MYO18B: variants seen among roughly 807,000 people sequenced by gnomAD.
MYO18B encodes myosin XVIIIB.
Under a neutral mutation model 273.0 loss-of-function variants are expected in MYO18B, and 204 were observed. The ratio of observed to expected loss-of-function variants is 0.75; its 90% CI spans 0.67 to 0.84. The LOEUF (loss-of-function observed/expected upper bound fraction) is 0.84. Among genes scored for constraint, MYO18B ranks in the 40% least tolerant of loss-of-function variants. The pLI, the probability that MYO18B is intolerant of heterozygous loss-of-function variation, is 0.00. For missense variants in MYO18B, 3,212 were observed against 3,287.6 expected (o/e 0.98, Z 0.56); for synonymous variants, 1,330 against 1,305.7 (o/e 1.02, Z -0.40).
chr22:25,992,908 A>G (rs113675743), intron 40 of MYO18B, among the ~76,000 whole-genome samples: 19 of 152,180 alleles, frequency 1.2e-4, no homozygotes, highest in Non-Finnish European at 2.4e-4. Flanking sequence ...TCTACTGCCT[A>G]TTTCTTAGGG....
At chr22:26,043,681 T>G in the MYO18B span, among the ~76,000 whole-genome samples, 2 of 151,896 alleles carry the variant, frequency 1.3e-5, no homozygotes, top group East Asian at 3.9e-4. Context: ...CGGCTAATTT[T>G]TTTTTTGTAT....
At chr22:25,871,177 G>A (rs2091035718) in intron 22 of MYO18B, among the ~76,000 whole-genome samples, 1 of 152,090 alleles carries the variant, frequency 6.6e-6, no homozygotes, top group African/African-American at 2.4e-5. Flanking sequence ...AAGAGAATCG[G>A]CTGACCCAGT....
At chr22:25,950,647 C>T (rs1219442006) in intron 37 of MYO18B, among the ~76,000 whole-genome samples, 197 bp downstream of exon 37, 1 of 152,086 alleles carries the variant, frequency 6.6e-6, no homozygotes, top group Non-Finnish European at 1.5e-5. Context: ...TCTTGGCTCA[C>T]TGCAACCTCT....
At chr22:25,747,509 G>C (rs2085816699) in intron 1 of MYO18B, among the ~76,000 whole-genome samples, 2 of 152,222 alleles carry the variant, frequency 1.3e-5, no homozygotes, top group Admixed American at 1.3e-4. Context: ...CAGCCTGTAG[G>C]AGTGGCCTGA....
At chr22:25,896,064 G>T (rs932071382) in intron 28 of MYO18B, among the ~76,000 whole-genome samples, 1 of 151,898 alleles carries the variant, frequency 6.6e-6, no homozygotes, top group African/African-American at 2.4e-5. Context: ...CAGGGTCGTG[G>T]GTGTGTTCTG....
At chr22:26,037,501 T>TC in the MYO18B span, among the ~76,000 whole-genome samples, 6,011 of 152,112 alleles carry the variant, frequency 0.04, 235 homozygotes, top group East Asian at 0.14. Context: ...TGACCCCGAG[T>TC]CCCAGGCCTG....
intron 42 of MYO18B, among the ~76,000 whole-genome samples, chr22:26,006,029 A>G (rs964882364): frequency 6.6e-6 from 1 of 152,172 alleles, no homozygotes; most frequent in African/African-American, 2.4e-5. Flanking sequence ...TCCTCTGTGA[A>G]CTCCAAACTA....
chr22:25,774,845 A>G (rs1376077361), intron 7 of MYO18B, among the ~76,000 whole-genome samples: 2 of 152,188 alleles, frequency 1.3e-5, no homozygotes, highest in Non-Finnish European at 2.9e-5. Context: ...GTCTAGGTGA[A>G]TAAGAGGGTG....
intron 12 of MYO18B, among the ~76,000 whole-genome samples, chr22:25,818,430 G>A (rs1484482296): frequency 6.6e-6 from 1 of 152,144 alleles, no homozygotes; most frequent in Non-Finnish European, 1.5e-5. Context: ...GTACCTCTTT[G>A]CACAAGAATT....
At chr22:25,957,626 G>A (rs1489230200) in intron 39 of MYO18B, among the ~76,000 whole-genome samples, 1 of 152,212 alleles carries the variant, frequency 6.6e-6, no homozygotes, top group Non-Finnish European at 1.5e-5. Context: ...CTGGAGGCCT[G>A]AAGTCTGAAA....
At position 25,770,523 on chromosome 22, in the gene MYO18B, C is replaced by T. The variant is rs188669385; in HGVS notation, c.1579+347C>T. On this transcript the variant is annotated intron_variant, in intron 5 of 43. Coordinates refer to ENST00000335473, the MANE Select transcript of MYO18B (RefSeq NM_032608.7). ...ATGCTGAGTCTCAGTCTGAACATGG[C>T]TGGGAAGAGTGGTTGATTAGTGATG... is the stretch of plus-strand genomic sequence containing the variant. Among the ~76,000 whole-genome samples, 40 of 152,218 alleles carry T rather than the reference C, an allele frequency of 2.6e-4. 1 individual carries two copies. Among genetic ancestry groups the T allele is most frequent in the Admixed American group, 2.5e-3 (38 of 15,292 alleles).
rs1465976528 is a variant in MYO18B, at chr22:25,883,751, C to T, written c.4314+5703C>T. The T allele has an allele frequency of 5.3e-5, 8 of 152,108 alleles. No homozygotes were observed. Among genetic ancestry groups the T allele is most frequent in the African/African-American group, 1.9e-4 (8 of 41,428 alleles). The allele number at this position is 152,108 out of a possible 1,614,324, so 9.4% of individuals were successfully genotyped here. A position where few individuals can be genotyped will look rare whatever the true frequency, so the allele number is the denominator to read the frequency against. ...AACATTGCTAAAACGTGTCGTGTCT[C>T]GTCAGTGAAAACTCCATTTGACTAG... On this transcript the variant is annotated intron_variant, in intron 25 of 43. Transcript: ENST00000335473. This position sits in a 1 kb window ranked among gnomAD's most constrained non-coding sequence, Gnocchi z 7.6.
chr22:26,009,541 C>G (rs926594636), intron 42 of MYO18B, among the ~76,000 whole-genome samples: 1 of 152,194 alleles, frequency 6.6e-6, no homozygotes, highest in African/African-American at 2.4e-5. Context: ...TACTACAGCC[C>G]AGAGACTGCT....
At chr22:25,841,937 C>A (rs1335503568) in intron 17 of MYO18B, among the ~76,000 whole-genome samples, 1 of 152,236 alleles carries the variant, frequency 6.6e-6, no homozygotes, top group East Asian at 1.9e-4. Context: ...GCTTTACTCT[C>A]CCATTGGAAG....
intron 38 of MYO18B, 134 bp downstream of exon 38, chr22:25,952,557 AC>A: frequency 8.3e-7 from 1 of 1,209,472 alleles, no homozygotes; most frequent in Non-Finnish European, 1.1e-6. Context: ...TCCACTTCTC[AC>A]CCAAGCTCCC....
At chr22:26,055,773 AAAG>A in the MYO18B span, among the ~76,000 whole-genome samples, 1 of 152,222 alleles carries the variant, frequency 6.6e-6, no homozygotes, top group African/African-American at 2.4e-5. Flanking sequence ...GAGAAAAAAT[AAAG>A]AAAAACAAAA....
chr22:25,790,442 A>G (rs2087612177), intron 11 of MYO18B, among the ~76,000 whole-genome samples: 1 of 152,054 alleles, frequency 6.6e-6, no homozygotes, highest in Non-Finnish European at 1.5e-5. Context: ...GTCTCCAGTT[A>G]TCGTCTTTCC....
rs1048330061 is a variant in MYO18B, at chr22:26,005,031, A to G, written c.6470+176A>G. ...CTGTGTGACTTTAGGCAGATCCTTT[A>G]CCCTCTCTGAGCTTCTACTTCCTCA... On this transcript the variant is annotated intron_variant, in intron 42 of 43. Transcript: ENST00000335473. Among the ~76,000 whole-genome samples the G allele has an allele frequency of 4.6e-5, 7 of 152,046 alleles. No homozygotes were observed. The East Asian group carries it at 1.2e-3, about 25-fold the overall frequency.
intron 39 of MYO18B, among the ~76,000 whole-genome samples, chr22:25,969,006 C>T (rs1033348191): frequency 1.3e-5 from 2 of 152,218 alleles, no homozygotes; most frequent in African/African-American, 2.4e-5. Context: ...CAGGCCTCTT[C>T]ATTCCAACTG....
Sources: allele counts gnomAD v4.1 joint callset (sites outside exome capture counted in the v4.1 genomes callset), GRCh38; gene constraint gnomAD v4.1.1; non-coding constraint Gnocchi (gnomAD v3.1); transcripts MANE v1.5; gene names NCBI Gene and HGNC (gene_info 2026-07-23, HGNC 2026-07-21).